Variants in FGD1 observed in about 807,000 individuals in gnomAD.
The protein encoded by FGD1 is FYVE, RhoGEF and PH domain containing 1.
A neutral mutation model predicts 65.0 loss-of-function variants in FGD1; 12 were observed. The observed-to-expected ratio is 0.18, with a 90% confidence interval of 0.12 to 0.30. The LOEUF (loss-of-function observed/expected upper bound fraction) is 0.30. Among genes scored for constraint, FGD1 ranks in the 10% least tolerant of loss-of-function variants. The pLI is 1.00. For missense variants in FGD1, 542 were observed against 837.6 expected, an observed-to-expected ratio of 0.65 and a Z score of 4.36; for synonymous variants, 333 against 343.9, an observed-to-expected ratio of 0.97 and a Z score of 0.35.
chrX:54,474,887 T>C (rs1374883224), intron 1 of FGD1, among the ~76,000 whole-genome samples: 2 of 112,499 alleles, frequency 1.8e-5, no homozygotes, highest in African/African-American at 6.4e-5. Context: ...CTTGTCTGCC[T>C]CCTTGGGCCT....
At chrX:54,471,929 A>G (rs1368593051) in intron 1 of FGD1, among the ~76,000 whole-genome samples, 3 of 111,919 alleles carry the variant, frequency 2.7e-5, no homozygotes, top group African/African-American at 9.8e-5. Context: ...TTGTGCAGCT[A>G]AGTGTGCTTA....
At position 54,465,692 on chromosome X, in the gene FGD1, T is replaced by A; in HGVS notation, c.1497+4A>T. The A allele has an allele frequency of 8.3e-7, 1 of 1,211,365 alleles. No individual in the cohort carries two copies. The highest frequency in any genetic ancestry group is 1.1e-6 in the Non-Finnish European group (1 of 895,409). ...AGTCTGCTCCTTCCAGCTTGACCAC[T>A]TACCTGCACCTCATGGATGATGACT... On this transcript the variant is annotated splice_donor_region_variant and intron_variant, in intron 7 of 17. Coordinates refer to ENST00000375135, the MANE Select transcript of FGD1 (RefSeq NM_004463.3).
At chrX:54,466,812 C>T (rs144794480) in intron 6 of FGD1, among the ~76,000 whole-genome samples, 4 of 106,720 alleles carry the variant, frequency 3.7e-5, no homozygotes, top group South Asian at 4.3e-4. Flanking sequence ...TGCAGTGGTA[C>T]GATCTCGGCT....
intron 1 of FGD1, among the ~76,000 whole-genome samples, chrX:54,473,854 G>A (rs1348237695): frequency 9.1e-6 from 1 of 110,430 alleles, no homozygotes; most frequent in Non-Finnish European, 1.9e-5. Flanking sequence ...TGTGGTGGTG[G>A]ATGCCTGTAA....
intron 10 of FGD1, 99 bp from the exon 11 acceptor site, chrX:54,455,883 T>C (rs779640777): frequency 2.4e-5 from 18 of 750,060 alleles, no homozygotes; most frequent in Admixed American, 1.1e-4. Context: ...CTGTAGGCAA[T>C]AGATGGAGAA....
At chrX:54,472,196 T>G (rs950667003) in intron 1 of FGD1, among the ~76,000 whole-genome samples, 1 of 109,243 alleles carries the variant, frequency 9.2e-6, no homozygotes, top group Non-Finnish European at 1.9e-5. Flanking sequence ...GAGGATCACT[T>G]GAGCCTGGGA....
chrX:54,467,896 G>A lies in FGD1; in HGVS notation c.1228C>T (p.Arg410Cys), dbSNP rs776663531. ...ACAACGTCGGCCGGGAAGGAACTGC[G>A]GTTCCGAGCTTCTTCCAGCAGCCGG... ...CARLLEEARN[R>C]SSFPADVVHG... Residue 410 changes from arginine (R) to cysteine (C), a missense_variant, in exon 6 of 18, where the codon CGC becomes TGC. Physicochemically the swap from Arg to Cys is radical, Grantham distance 180. Coordinates refer to ENST00000375135, the MANE Select transcript of FGD1 (RefSeq NM_004463.3). 7 of 1,175,495 alleles carry A rather than the reference G, an allele frequency of 6.0e-6. No homozygotes were observed. Among genetic ancestry groups the A allele is most frequent in the African/African-American group, 1.8e-5 (1 of 56,360 alleles).
At position 54,446,259 on chromosome X, in the gene FGD1, C is replaced by T; in HGVS notation, c.2736G>A (p.Trp912Ter). Residue 912 changes from tryptophan to a stop codon, truncating the protein, a stop_gained, in exon 18 of 18, where the codon TGG (tryptophan) becomes TGA (stop). Coordinates refer to ENST00000375135, the MANE Select transcript of FGD1 (RefSeq NM_004463.3). LOFTEE classifies it high-confidence loss of function. ...GGCCCGCCCGGCCAAGCACAGCCAT[C>T]CAGCGTCGCTGTAGTTCCTCTGTCT... Reference protein sequence around the residue: ...SPETEELQRRWMAVLGRAGRG... With the variant: ...SPETEELQRR 1 of 1,212,082 alleles carries T rather than the reference C, an allele frequency of 8.3e-7. No homozygotes were observed. Among genetic ancestry groups the T allele is most frequent in the Non-Finnish European group, 1.1e-6 (1 of 895,558 alleles).
chrX:54,470,722 G>GGGGGGCGGGCCCCCCGGGGGGGGGC lies in FGD1; in HGVS notation c.519_520insGCCCCCCCCCGGGGGGCCCGCCCCC (p.Pro174AlafsTer51). 1.9e-6 allele frequency: 1 copy of GGGGGGCGGGCCCCCCGGGGGGGGGC among 538,260 alleles called. No homozygotes were observed. Among genetic ancestry groups the GGGGGGCGGGCCCCCCGGGGGGGGGC allele is most frequent in the East Asian group, 5.4e-5 (1 of 18,414 alleles). 44.4% of individuals were successfully genotyped at this position (538,260 alleles called of 1,213,427 possible). ...GGGGGGATGGGCTCCAGTGGGGGGG[G>GGGGGGCGGGCCCCCCGGGGGGGGGC]CATCCGGGGCATCTGCAGGTAGCTG... On this transcript the variant is annotated frameshift_variant, in exon 3 of 18. Transcript: ENST00000375135. LOFTEE classifies it high-confidence loss of function.
At chrX:54,488,583 T>TCAA (rs1243557188) in intron 1 of FGD1, among the ~76,000 whole-genome samples, 3 of 111,009 alleles carry the variant, frequency 2.7e-5, no homozygotes, top group Non-Finnish European at 5.7e-5. Flanking sequence ...AGACTCCATC[T>TCAA]CAACAACAAC....
At chrX:54,456,625 G>T in intron 8 of FGD1, 58 bp from the exon 9 acceptor site, 2 of 1,019,860 alleles carry the variant, frequency 2.0e-6, no homozygotes, top group Non-Finnish European at 2.7e-6. Flanking sequence ...GCCTTTCCGG[G>T]GCTTTGTTTT....
At chrX:54,464,118 C>T (rs934708478) in intron 8 of FGD1, among the ~76,000 whole-genome samples, 5 of 102,395 alleles carry the variant, frequency 4.9e-5, no homozygotes, top group South Asian at 4.6e-4. Flanking sequence ...CCCACCACCA[C>T]GCCCAGCTCT....
chrX:54,465,325 G>T, intron 8 of FGD1, 126 bp downstream of exon 8: 1 of 758,798 alleles, frequency 1.3e-6, no homozygotes, highest in South Asian at 2.8e-5. Flanking sequence ...ATTCTCCTCT[G>T]GGATTTCAAT....
chrX:54,467,746 G>T, intron 6 of FGD1, 38 bp downstream of exon 6: 1 of 1,160,581 alleles, frequency 8.6e-7, no homozygotes, highest in East Asian at 3.3e-5. Flanking sequence ...CAGGCAGGTG[G>T]ACAGGGGAGT....
At chrX:54,470,491 G>T in intron 3 of FGD1, 34 bp from the exon 4 acceptor site, 1 of 1,183,635 alleles carries the variant, frequency 8.4e-7, no homozygotes, top group Non-Finnish European at 1.1e-6. Flanking sequence ...TGGAAGCAGG[G>T]TATGAGCTTG....
chrX:54,480,345 T>C (rs748374013), intron 1 of FGD1, among the ~76,000 whole-genome samples: 8 of 112,135 alleles, frequency 7.1e-5, no homozygotes, highest in African/African-American at 2.6e-4. Context: ...AAAGGACTCT[T>C]AAGGATCATG....
chrX:54,473,526 C>T (rs558543121), intron 1 of FGD1, among the ~76,000 whole-genome samples: 1 of 112,014 alleles, frequency 8.9e-6, no homozygotes, highest in Non-Finnish European at 1.9e-5. Context: ...TTTGCATCCT[C>T]GGCCTCTGCA....
At chrX:54,463,435 C>T (rs1294007504) in intron 8 of FGD1, among the ~76,000 whole-genome samples, 2 of 111,599 alleles carry the variant, frequency 1.8e-5, no homozygotes, top group African/African-American at 3.3e-5. Flanking sequence ...CATTTCTCAC[C>T]GATTCTACTG....
chrX:54,459,817 T>C (rs1327712361), intron 8 of FGD1, among the ~76,000 whole-genome samples: 1 of 110,539 alleles, frequency 9.0e-6, no homozygotes, highest in Non-Finnish European at 1.9e-5. Flanking sequence ...GGAAGCTCAG[T>C]TGGCCAAGCT....
Sources: allele counts gnomAD v4.1 joint callset (sites outside exome capture counted in the v4.1 genomes callset), GRCh38; gene constraint gnomAD v4.1.1; transcripts MANE v1.5; gene names NCBI Gene and HGNC (gene_info 2026-07-23, HGNC 2026-07-21).